Variants in OSBPL10 observed in about 807,000 individuals in gnomAD.
OSBPL10 encodes oxysterol binding protein like 10.
OSBPL10 carries 49 observed loss-of-function variants against 81.7 expected under a neutral mutation model. The observed-to-expected ratio is 0.60, with a 90% CI of 0.48 to 0.76. The LOEUF is 0.76. Ranked by LOEUF, OSBPL10 falls within the 30% of genes least tolerant of loss-of-function variation. The pLI, the probability that OSBPL10 is intolerant of heterozygous loss-of-function variation, is 0.00. For missense variants in OSBPL10, 923 were observed against 987.8 expected, an observed-to-expected ratio of 0.93 and a Z score of 0.88; for synonymous variants, 419 against 383.6, an observed-to-expected ratio of 1.09 and a Z score of -1.08.
chr3:31,775,761 A>G (rs1698531625), intron 4 of OSBPL10, among the ~76,000 whole-genome samples: 1 of 152,088 alleles, frequency 6.6e-6, no homozygotes, highest in African/African-American at 2.4e-5. Flanking sequence ...GTAATCTGGA[A>G]TGACAGAGAA....
In OSBPL10 at chr3:31,965,459, T is replaced by TATG. The variant is rs71068019; in HGVS notation, c.281+15439_281+15440insCAT. ...ATAATATATATTATATAATATATAA[T>TATG]TTATATAATATATATTATATATTAT... On this transcript the variant is annotated intron_variant, in intron 1 of 11. Transcript: ENST00000396556. Among the ~76,000 whole-genome samples, 292 of 69,922 alleles carry TATG rather than the reference T, an allele frequency of 4.2e-3. 13 individuals are homozygous for TATG. Among genetic ancestry groups the TATG allele is most frequent in the Admixed American group, 6.1e-3 (23 of 3,778 alleles). 45.9% of individuals were successfully genotyped at this position (69,922 alleles called of 152,430 possible). A position where few individuals can be genotyped will look rare whatever the true frequency, so the allele number is the denominator to read the frequency against.
chr3:31,853,259 C>A (rs1700815489), intron 3 of OSBPL10, among the ~76,000 whole-genome samples: 1 of 152,170 alleles, frequency 6.6e-6, no homozygotes, highest in Non-Finnish European at 1.5e-5. Flanking sequence ...ATTGTGAAGG[C>A]AGGTGCCAAC....
intron 3 of OSBPL10, among the ~76,000 whole-genome samples, chr3:31,867,399 A>C (rs1701206162): frequency 6.6e-6 from 1 of 152,216 alleles, no homozygotes; most frequent in African/African-American, 2.4e-5. Flanking sequence ...ATAAAATACC[A>C]GGAAACACTT....
At chr3:31,954,453 G>A (rs569693370) in intron 1 of OSBPL10, among the ~76,000 whole-genome samples, 26 of 152,312 alleles carry the variant, frequency 1.7e-4, no homozygotes, top group Admixed American at 3.3e-4. Context: ...AGGAATCCAC[G>A]ACTGATAAGA....
chr3:31,935,626 C>T lies in OSBPL10; in HGVS notation c.281+45273G>A, dbSNP rs369488517. Among the ~76,000 whole-genome samples the T allele has an allele frequency of 7.9e-5, 12 of 151,556 alleles. No homozygotes were observed. In the East Asian group the frequency reaches 2.0e-3, roughly 25 times the overall value. ...GCAACCTCTGTCTCCTGGGTTCAAG[C>T]GATTCTCCTGCCTCAGCCTCCCAAG... On this transcript the variant is annotated intron_variant, in intron 1 of 11. Transcript: ENST00000396556.
At chr3:31,890,646 C>T (rs938500198) in intron 1 of OSBPL10, among the ~76,000 whole-genome samples, 1 of 152,042 alleles carries the variant, frequency 6.6e-6, no homozygotes, top group Non-Finnish European at 1.5e-5. Flanking sequence ...TGATGAGACT[C>T]GATCTGCTTT....
intron 2 of OSBPL10, among the ~76,000 whole-genome samples, chr3:31,877,488 A>G (rs1701506709): frequency 6.6e-6 from 1 of 152,188 alleles, no homozygotes; most frequent in Non-Finnish European, 1.5e-5. Context: ...ATGGGCACAC[A>G]ACAGGTTCTA....
rs58546446 is a variant in OSBPL10 at position 31,744,537 on chromosome 3, CA to C, written c.940+3372del. Among the ~76,000 whole-genome samples, 53 of 96,298 alleles carry C rather than the reference CA, an allele frequency of 5.5e-4. 1 individual carries two copies. The highest frequency in any genetic ancestry group is 1.1e-3 in the African/African-American group (27 of 24,990). The allele number at this position is 96,298 out of a possible 152,430, so 63.2% of individuals were successfully genotyped here. On this transcript the variant is annotated intron_variant, in intron 5 of 11. Transcript: ENST00000396556. ...TGGGTGATAGAGCGAGACTCCGTCT[CA>C]AAAAAAAAAAAAAGGAAAGAAAGAA...
chr3:31,711,634 T>A (rs2125616040), intron 6 of OSBPL10, among the ~76,000 whole-genome samples: 1 of 152,270 alleles, frequency 6.6e-6, no homozygotes, highest in South Asian at 2.1e-4. Context: ...GTGTTGTGAT[T>A]CCACTTCTAT....
intron 3 of OSBPL10, among the ~76,000 whole-genome samples, chr3:31,860,816 C>T (rs1408293441): frequency 6.6e-6 from 1 of 151,650 alleles, no homozygotes; most frequent in Non-Finnish European, 1.5e-5. Flanking sequence ...GCTACAGGTG[C>T]CCACCACCAT....
intron 4 of OSBPL10, among the ~76,000 whole-genome samples, chr3:31,812,737 A>G (rs1575561089): frequency 4.7e-5 from 1 of 21,356 alleles, no homozygotes; most frequent in South Asian, 2.4e-3. Flanking sequence ...AAAGAAAGAA[A>G]GAAAGAAAGA....
intron 2 of OSBPL10, among the ~76,000 whole-genome samples, chr3:32,000,638 G>A (rs984721997): frequency 2.0e-5 from 3 of 152,176 alleles, no homozygotes; most frequent in Admixed American, 1.3e-4. Flanking sequence ...GCCCTTCCTC[G>A]TGACGGTTGT....
intron 3 of OSBPL10, among the ~76,000 whole-genome samples, chr3:31,856,791 G>C (rs557848428): frequency 6.6e-6 from 1 of 152,200 alleles, no homozygotes; most frequent in Non-Finnish European, 1.5e-5. Flanking sequence ...ATGTTTTCAT[G>C]TAGGCCAGAC....
intron 4 of OSBPL10, among the ~76,000 whole-genome samples, chr3:31,780,053 G>A (rs1698647780): frequency 6.6e-6 from 1 of 152,206 alleles, no homozygotes; most frequent in South Asian, 2.1e-4. Context: ...AGCACTTTGG[G>A]AGGCCAAGGC....
intron 1 of OSBPL10, among the ~76,000 whole-genome samples, chr3:31,922,549 C>T (rs1469776404): frequency 6.6e-6 from 1 of 151,992 alleles, no homozygotes; most frequent in African/African-American, 2.4e-5. Context: ...ACCCGGGAGG[C>T]GGAGGTTGCA....
chr3:31,861,817 G>A (rs760830940), intron 3 of OSBPL10, among the ~76,000 whole-genome samples: 2 of 152,158 alleles, frequency 1.3e-5, no homozygotes, highest in African/African-American at 2.4e-5. Flanking sequence ...GTGACTCAGT[G>A]GTACTTGGCC....
chr3:31,867,612 G>A (rs1701211774), intron 3 of OSBPL10, among the ~76,000 whole-genome samples: 1 of 152,140 alleles, frequency 6.6e-6, no homozygotes, highest in East Asian at 1.9e-4. Context: ...GCATAGTGGT[G>A]TGCACCTGTA....
intron 8 of OSBPL10, among the ~76,000 whole-genome samples, chr3:31,681,776 G>A (rs1054353856): frequency 6.6e-6 from 1 of 152,064 alleles, no homozygotes; most frequent in Non-Finnish European, 1.5e-5. Flanking sequence ...AGAAATCAGT[G>A]CTCACTCAGC....
Position 31,660,996 on chromosome 3 carries a change from A to C in OSBPL10, c.*1076T>G, listed in dbSNP as rs1325449349. ...AAAATAAATTAAGCATTCAGCAAAA[A>C]CCAGATATTTCATTTTTTCCTTGCT... On this transcript the variant is annotated 3_prime_UTR_variant, in exon 12 of 12. Transcript: ENST00000396556. The C allele has an allele frequency of 1.3e-5, 2 of 152,672 alleles. No individual in the cohort carries two copies. The highest frequency in any genetic ancestry group is 1.5e-5 in the Non-Finnish European group (1 of 68,050). 9.5% of individuals were successfully genotyped at this position (152,672 alleles called of 1,614,324 possible).
Sources: gnomAD v4.1 joint callset for allele counts (sites outside exome capture counted in the v4.1 genomes callset) on GRCh38, gnomAD v4.1.1 for gene constraint, MANE v1.5 for transcripts, NCBI Gene and HGNC (gene_info 2026-07-23, HGNC 2026-07-21) for gene names.